The following TECTA variants were observed in gnomAD, a reference collection of about 807,000 sequenced individuals.
The protein encoded by TECTA is tectorin alpha, also known as alpha-tectorin.
In TECTA, 128 loss-of-function variants were observed where a neutral mutation model predicts 216.8. The observed-to-expected ratio is 0.59, with a 90% CI of 0.51 to 0.68. The LOEUF (loss-of-function observed/expected upper bound fraction) is 0.68, where lower values mean the gene tolerates loss of function less well. TECTA is among the 30% of genes least tolerant of loss of function. The pLI, the probability that TECTA is intolerant of heterozygous loss-of-function variation, is 0.00. For synonymous variants in TECTA, 1,089 were observed against 1,117.1 expected, an observed-to-expected ratio of 0.97 and a Z score of 0.50; for missense variants, 2,551 against 2,786.2, an observed-to-expected ratio of 0.92 and a Z score of 1.90.
chr11:121,109,069 G>A (rs1035948238), intron 3 of TECTA, 142 bp from the exon 4 acceptor site: 3 of 873,660 alleles, frequency 3.4e-6, no homozygotes, highest in Non-Finnish European at 1.8e-6. Context: ...CTGAGCAATG[G>A]AACCCGGTGT....
At chr11:121,133,707 C>T (rs939742067) in intron 10 of TECTA, among the ~76,000 whole-genome samples, 11 of 152,182 alleles carry the variant, frequency 7.2e-5, no homozygotes, top group South Asian at 2.1e-4. Context: ...CTCAGCCTCC[C>T]GGGCAGGTGC....
At position 121,145,635 on chromosome 11, in the gene TECTA, G is replaced by T. The variant is rs774852835; in HGVS notation, c.3624G>T (p.Val1208=). 1.2e-6 allele frequency: 2 copies of T among 1,614,240 alleles called. No homozygotes were observed. Among genetic ancestry groups the T allele is most frequent in the Non-Finnish European group, 1.7e-6 (2 of 1,180,042 alleles). The change falls in exon 12 of 24, where the codon GTG becomes GTT. Residue 1208 remains valine (V), a synonymous_variant. Coordinates refer to ENST00000392793, the MANE Select transcript of TECTA (RefSeq NM_005422.4). ...TCTTTTCCTTTGGCTTCCACGTGGT[G>T]GTGGAAACTGATTTTGGCCTGAAGG... ...INIFSFGFHV[V]VETDFGLKVV... is the part of the protein sequence containing the mutation.
intron 15 of TECTA, among the ~76,000 whole-genome samples, chr11:121,160,901 A>T (rs1437754820): frequency 6.6e-6 from 1 of 152,238 alleles, no homozygotes; most frequent in East Asian, 1.9e-4. Flanking sequence ...TTTTAAAAAC[A>T]GAAGTTACAA....
chr11:121,141,083 C>T (rs925703393), intron 11 of TECTA: 9 of 152,192 alleles, frequency 5.9e-5, no homozygotes, highest in African/African-American at 1.7e-4. Flanking sequence ...ATACAGCTTT[C>T]AAACTCTTGA....
chr11:121,187,725 C>T (rs894727754), intron 20 of TECTA, 107 bp from the exon 21 acceptor site: 11 of 1,272,904 alleles, frequency 8.6e-6, no homozygotes, highest in Non-Finnish European at 1.3e-5. Context: ...GCATTTCTGC[C>T]ATTTATGGTG....
intron 12 of TECTA, among the ~76,000 whole-genome samples, chr11:121,148,553 G>A (rs1030366879): frequency 2.0e-4 from 31 of 152,148 alleles, no homozygotes; most frequent in Admixed American, 6.5e-5. Flanking sequence ...TGAGAATAGG[G>A]TTGTTTGTAA....
chr11:121,144,184 G>A (rs1041830202), intron 11 of TECTA, among the ~76,000 whole-genome samples: 2 of 152,168 alleles, frequency 1.3e-5, no homozygotes, highest in Non-Finnish European at 2.9e-5. Flanking sequence ...GTGGATCTGA[G>A]AGGCAGGGCC....
chr11:121,123,753 T>A (rs1234594339), intron 7 of TECTA, among the ~76,000 whole-genome samples: 3 of 152,242 alleles, frequency 2.0e-5, no homozygotes, highest in African/African-American at 7.2e-5. Context: ...TTTTAAACAC[T>A]CCCTGGGCTC....
At chr11:121,157,739 G>C in intron 13 of TECTA, 102 bp from the exon 14 acceptor site, 1 of 1,563,086 alleles carries the variant, frequency 6.4e-7, no homozygotes, top group South Asian at 1.1e-5. Context: ...CCCCATTAAA[G>C]ATAGGCTAGC....
At chr11:121,150,699 G>A (rs562710562) in intron 12 of TECTA, among the ~76,000 whole-genome samples, 1 of 143,858 alleles carries the variant, frequency 7.0e-6, no homozygotes, top group Admixed American at 7.2e-5. Flanking sequence ...AGGCTGGAGT[G>A]CAGTGGCACG....
chr11:121,165,675 G>C (rs1223055318), intron 17 of TECTA, among the ~76,000 whole-genome samples: 1 of 152,100 alleles, frequency 6.6e-6, no homozygotes, highest in Non-Finnish European at 1.5e-5. Flanking sequence ...AAGGAAATAG[G>C]GTATTTTGAT....
chr11:121,174,183 T>C (rs1490166236), intron 20 of TECTA, among the ~76,000 whole-genome samples: 8 of 152,016 alleles, frequency 5.3e-5, no homozygotes, highest in Non-Finnish European at 1.2e-4. Context: ...ACCCTTTATT[T>C]CCTTCTCCTG....
intron 11 of TECTA, among the ~76,000 whole-genome samples, chr11:121,144,453 G>C (rs1303735692): frequency 1.1e-4 from 17 of 152,078 alleles, no homozygotes; most frequent in Admixed American, 1.1e-3. Flanking sequence ...AAGAGAGAGA[G>C]GAAGGAGGTT....
intron 20 of TECTA, among the ~76,000 whole-genome samples, chr11:121,172,239 C>G (rs1298887079): frequency 6.6e-6 from 1 of 151,710 alleles, no homozygotes; most frequent in African/African-American, 2.4e-5. Context: ...GCACAATGTG[C>G]AGGTTAGTTA....
In TECTA at chr11:121,129,784, C is replaced by T; in HGVS notation, c.2514C>T (p.Ser838=). The change falls in exon 10 of 24, where the codon TCC becomes TCT. Residue 838 remains serine (S), a synonymous_variant. Coordinates refer to ENST00000392793, the MANE Select transcript of TECTA (RefSeq NM_005422.4). ...TAGGTCTATTGTACATCCGGCTGTC[C>T]ACCACATACTTCAATTGCACAGGGG... ...SDIGLLYIRL[S]TTYFNCTGGL... 6.2e-7 allele frequency: 1 copy of T among 1,614,194 alleles called. No individual in the cohort carries two copies. Among genetic ancestry groups the T allele is most frequent in the South Asian group, 1.1e-5 (1 of 91,078 alleles).
chr11:121,165,605 C>T (rs925444134), intron 17 of TECTA, among the ~76,000 whole-genome samples: 3 of 152,228 alleles, frequency 2.0e-5, no homozygotes, highest in Admixed American at 6.5e-5. Flanking sequence ...TGGAACCAGC[C>T]GGTTCCATCT....
At position 121,158,258 on chromosome 11, in the gene TECTA, C is replaced by G. The variant is rs758582315; in HGVS notation, c.4689+34C>G. 6 of 1,605,896 alleles carry G rather than the reference C, an allele frequency of 3.7e-6. No homozygotes were observed. In the African/African-American group the frequency reaches 8.0e-5, roughly 21 times the overall value. On this transcript the variant is annotated intron_variant, in intron 14 of 23. Transcript: ENST00000392793. ...CCTGGCGGCCATTCTTAAGAAGGGG[C>G]CCGGAAACAAGGGGTTGGCTAGGGG...
At chr11:121,186,423 G>T (rs1307776313) in intron 20 of TECTA, among the ~76,000 whole-genome samples, 1 of 152,204 alleles carries the variant, frequency 6.6e-6, no homozygotes, top group Non-Finnish European at 1.5e-5. Flanking sequence ...AAGAAAGCCA[G>T]CCAGATAGCC....
intron 7 of TECTA, among the ~76,000 whole-genome samples, chr11:121,121,234 C>T (rs938789933): frequency 8.5e-5 from 13 of 152,192 alleles, no homozygotes; most frequent in African/African-American, 2.7e-4. Flanking sequence ...AGTAGGTGCT[C>T]GGTGCATGCT....
Sources: allele counts gnomAD v4.1 joint callset (sites outside exome capture counted in the v4.1 genomes callset), GRCh38; gene constraint gnomAD v4.1.1; transcripts MANE v1.5; gene names NCBI Gene and HGNC (gene_info 2026-07-23, HGNC 2026-07-21).